GALNT17: variants seen among roughly 807,000 people sequenced by gnomAD.
GALNT17 encodes UDP-GalNAc:polypeptide N-acetylgalactosaminyltransferase-like 3.
In GALNT17, 29 loss-of-function variants were observed where a neutral mutation model predicts 63.7. The observed-to-expected ratio is 0.46, with a 90% CI of 0.34 to 0.62. The LOEUF (loss-of-function observed/expected upper bound fraction) is 0.62. GALNT17 is among the 20% of genes least tolerant of loss of function. The probability of loss-of-function intolerance (pLI) is 0.01; values close to 1 mark genes in which losing one functional copy is unlikely to be tolerated. For missense variants in GALNT17, 603 were observed against 799.6 expected (o/e 0.75, Z 2.97); for synonymous variants, 305 against 318.3 (o/e 0.96, Z 0.45).
chr7:71,335,469 G>C, intron 1 of GALNT17, 81 bp from the exon 2 acceptor site: 1 of 1,336,262 alleles, frequency 7.5e-7, no homozygotes, highest in Non-Finnish European at 1.0e-6. Context: ...TAAAATGTCT[G>C]TTGAAGCTGC....
intron 5 of GALNT17, among the ~76,000 whole-genome samples, chr7:71,527,674 GTC>G (rs1788646996): frequency 6.6e-6 from 1 of 152,210 alleles, no homozygotes; most frequent in African/African-American, 2.4e-5. Flanking sequence ...ATCTTAAAAT[GTC>G]TGCAATAAAA....
chr7:71,701,870 CATATATATATGTATATATATATAT>C (rs1562742567), intron 9 of GALNT17, among the ~76,000 whole-genome samples: 2 of 46,748 alleles, frequency 4.3e-5, no homozygotes, highest in African/African-American at 1.2e-4. Context: ...TATATATATA[CATATATATATGTATATATATATAT>C]ACACATATAT....
intron 1 of GALNT17, among the ~76,000 whole-genome samples, chr7:71,142,011 GC>G (rs1787904453): frequency 2.4e-4 from 9 of 36,776 alleles, no homozygotes; most frequent in Admixed American, 1.1e-3. Context: ...ACCACATTTG[GC>G]TGTGTGTGTG....
At chr7:71,537,243 G>A (rs954438013) in intron 5 of GALNT17, among the ~76,000 whole-genome samples, 1 of 152,180 alleles carries the variant, frequency 6.6e-6, no homozygotes, top group African/African-American at 2.4e-5. Context: ...ACCATGAAAT[G>A]TTTAATGAGG....
At chr7:71,358,038 G>A (rs1278943013) in intron 2 of GALNT17, among the ~76,000 whole-genome samples, 1 of 152,152 alleles carries the variant, frequency 6.6e-6, no homozygotes, top group Non-Finnish European at 1.5e-5. Flanking sequence ...AACCCGCTCG[G>A]GTCCCCTTCC....
chr7:71,463,603 A>G (rs1185292215), intron 5 of GALNT17, among the ~76,000 whole-genome samples: 1 of 152,192 alleles, frequency 6.6e-6, no homozygotes, highest in African/African-American at 2.4e-5. Flanking sequence ...TAGACTGAAT[A>G]TAGTTATAGT....
chr7:71,703,140 A>T (rs1791675688), intron 9 of GALNT17, among the ~76,000 whole-genome samples: 1 of 152,272 alleles, frequency 6.6e-6, no homozygotes, highest in African/African-American at 2.4e-5. Context: ...AGGAGAAGTT[A>T]TATCAACTGT....
intron 9 of GALNT17, among the ~76,000 whole-genome samples, chr7:71,693,309 C>CATATAT (rs369668179): frequency 4.7e-4 from 58 of 124,192 alleles, no homozygotes; most frequent in African/African-American, 1.6e-3. Flanking sequence ...CACACACACA[C>CATATAT]ATATATATAT....
At chr7:71,183,771 G>C (rs1466012649) in intron 1 of GALNT17, among the ~76,000 whole-genome samples, 1 of 152,046 alleles carries the variant, frequency 6.6e-6, no homozygotes, top group African/African-American at 2.4e-5. Flanking sequence ...GATGGCGGGT[G>C]CCTGTAATCC....
At chr7:71,167,704 G>A (rs1014132995) in intron 1 of GALNT17, among the ~76,000 whole-genome samples, 1 of 151,906 alleles carries the variant, frequency 6.6e-6, no homozygotes, top group Non-Finnish European at 1.5e-5. Context: ...TATTTTTTTT[G>A]AGATGGAGTC....
At chr7:71,684,210 A>T (rs1391387066) in intron 9 of GALNT17, among the ~76,000 whole-genome samples, 4 of 152,024 alleles carry the variant, frequency 2.6e-5, no homozygotes, top group Non-Finnish European at 4.4e-5. Context: ...CACTTTGGCT[A>T]CCCTGCACGG....
intron 1 of GALNT17, among the ~76,000 whole-genome samples, chr7:71,216,065 A>AATAATAATAATG (rs147593554): frequency 0.01 from 1,514 of 151,222 alleles, 16 homozygotes; most frequent in Non-Finnish European, 0.016. Flanking sequence ...TAATAATAAT[A>AATAATAATAATG]AAAAAGCCAA....
chr7:71,649,081 GATCT>G (rs1790720218), intron 6 of GALNT17, among the ~76,000 whole-genome samples: 1 of 152,158 alleles, frequency 6.6e-6, no homozygotes, highest in Non-Finnish European at 1.5e-5. Context: ...GTCACCACTG[GATCT>G]CTCTCCATTT....
intron 1 of GALNT17, among the ~76,000 whole-genome samples, chr7:71,220,569 C>T (rs34196015): frequency 0.33 from 50,158 of 151,844 alleles, 9,241 homozygotes; most frequent in South Asian, 0.53. Flanking sequence ...TATCTGTCAG[C>T]AGAGGCATAC....
At chr7:71,682,718 T>A (rs1190344503) in intron 9 of GALNT17, among the ~76,000 whole-genome samples, 10 of 152,124 alleles carry the variant, frequency 6.6e-5, no homozygotes, top group Non-Finnish European at 8.8e-5. Context: ...CTAATTTTTT[T>A]TAAAAAGTTT....
intron 1 of GALNT17, among the ~76,000 whole-genome samples, chr7:71,140,700 C>T (rs956358004): frequency 2.0e-5 from 3 of 152,164 alleles, no homozygotes; most frequent in Non-Finnish European, 4.4e-5. Context: ...AAACAACCTA[C>T]GATTAGATGA....
At chr7:71,480,080 G>A (rs1787789099) in intron 5 of GALNT17, among the ~76,000 whole-genome samples, 2 of 151,588 alleles carry the variant, frequency 1.3e-5, no homozygotes, top group Admixed American at 1.3e-4. Flanking sequence ...ACCCCAGTTG[G>A]GCTGAGATTA....
intron 1 of GALNT17, among the ~76,000 whole-genome samples, chr7:71,274,313 C>T (rs926287274): frequency 6.6e-6 from 1 of 152,184 alleles, no homozygotes; most frequent in African/African-American, 2.4e-5. Context: ...TAGGGTCTCT[C>T]TGTTGCCCAG....
At position 71,268,096 on chromosome 7, in the gene GALNT17, C is replaced by T. The variant is rs557309816; in HGVS notation, c.239-67454C>T. Among the ~76,000 whole-genome samples the T allele has an allele frequency of 5.8e-4, 89 of 152,258 alleles. 1 individual carries two copies. Among genetic ancestry groups the T allele is most frequent in the African/African-American group, 1.9e-3 (80 of 41,532 alleles). ...GACCTACCAAGGGATTCACAAGATTCGTCCTGCAGCCTGGATGGCACTTCT... is the reference window on the plus strand; with the variant it reads ...GACCTACCAAGGGATTCACAAGATTTGTCCTGCAGCCTGGATGGCACTTCT... On this transcript the variant is annotated intron_variant, in intron 1 of 10. Coordinates refer to ENST00000333538, the MANE Select transcript of GALNT17 (RefSeq NM_022479.3).
Sources: gnomAD v4.1 joint callset for allele counts (sites outside exome capture counted in the v4.1 genomes callset) on GRCh38, gnomAD v4.1.1 for gene constraint, MANE v1.5 for transcripts, NCBI Gene and HGNC (gene_info 2026-07-23, HGNC 2026-07-21) for gene names.